Variants in C7 observed in about 807,000 individuals in gnomAD.
C7 encodes complement component C7.
Under a neutral mutation model 104.8 loss-of-function variants are expected in C7, and 83 were observed. The ratio of observed to expected loss-of-function variants is 0.79; its 90% CI spans 0.66 to 0.95. C7 has a LOEUF of 0.95. C7 is among the 40% of genes least tolerant of loss of function. C7 has a pLI of 0.00. For synonymous variants in C7, 415 were observed against 360.6 expected (o/e 1.15, Z -1.71); for missense variants, 1,070 against 1,011.2 (o/e 1.06, Z -0.79).
intron 7 of C7, among the ~76,000 whole-genome samples, 168 bp from the exon 8 acceptor site, chr5:40,947,434 G>A (rs753335891): frequency 5.9e-5 from 9 of 151,878 alleles, no homozygotes; most frequent in East Asian, 1.9e-4. Flanking sequence ...TCCTGATTGC[G>A]TCCAGTAAGT....
At chr5:40,945,458 C>G in intron 7 of C7, 90 bp downstream of exon 7, 2 of 841,666 alleles carry the variant, frequency 2.4e-6, no homozygotes, top group South Asian at 4.3e-5. Context: ...AAAGGATCAG[C>G]TTTCATATTA....
chr5:40,956,865 G>C (rs1200472320), intron 10 of C7, among the ~76,000 whole-genome samples: 1 of 152,162 alleles, frequency 6.6e-6, no homozygotes, highest in Admixed American at 6.5e-5. Context: ...TGTATTCATT[G>C]TCAGCATCCC....
chr5:40,913,743 G>T (rs1910015), intron 1 of C7, among the ~76,000 whole-genome samples: 38,919 of 152,050 alleles, frequency 0.26, 5,817 homozygotes, highest in African/African-American at 0.42. Context: ...GCAGTGGCAT[G>T]ATCTCGGCTC....
At position 40,931,242 on chromosome 5, in the gene C7, T is replaced by G. The variant is rs1739677496; in HGVS notation, c.138+103T>G. On this transcript the variant is annotated intron_variant, in intron 3 of 17. Coordinates refer to ENST00000313164, the MANE Select transcript of C7 (RefSeq NM_000587.4). ...GAATGTTCATTAAATAGTGTCAATA[T>G]TTTTTGAAAACTATGTTTGTAATTT... 3 of 812,690 alleles carry G rather than the reference T, an allele frequency of 3.7e-6. No homozygotes were observed. In the South Asian group the frequency reaches 4.7e-5, roughly 13 times the overall value. 50.3% of individuals were successfully genotyped at this position (812,690 alleles called of 1,614,324 possible).
chr5:40,947,622 T>C lies in C7; in HGVS notation c.759T>C (p.Val253=), dbSNP rs370651306. 137 of 1,612,634 alleles carry C rather than the reference T, an allele frequency of 8.5e-5. No homozygotes were observed. Among genetic ancestry groups the C allele is most frequent in the Non-Finnish European group, 1.1e-4 (128 of 1,179,062 alleles). Residue 253 remains valine, a synonymous_variant, in exon 8 of 18, where the codon GTT becomes GTC. Transcript: ENST00000313164. ...CACAGAGTTACCAACTGCTGGTTGT[T>C]GAGAACACTGTTGAAGTGGCTCAGT... The part of the protein sequence containing the change: ...HKGKSYQLLV[V]ENTVEVAQFI...
chr5:40,922,208 C>G (rs1739452927), intron 1 of C7, among the ~76,000 whole-genome samples: 1 of 150,638 alleles, frequency 6.6e-6, no homozygotes, highest in East Asian at 1.9e-4. Context: ...AAGCCCATCT[C>G]TACTAAAAAT....
chr5:40,973,020 A>T (rs932958161), intron 15 of C7, among the ~76,000 whole-genome samples: 1 of 152,164 alleles, frequency 6.6e-6, no homozygotes, highest in East Asian at 1.9e-4. Context: ...CAAAGAGTTT[A>T]TCAGTATTTC....
intron 13 of C7, 172 bp from the exon 14 acceptor site, chr5:40,964,569 T>G: frequency 1.8e-6 from 1 of 540,996 alleles, no homozygotes; most frequent in Non-Finnish European, 3.4e-6. Flanking sequence ...TTAATGGTGG[T>G]GCTAGTGTTA....
intron 9 of C7, among the ~76,000 whole-genome samples, chr5:40,950,239 C>G (rs1300824832): frequency 9.3e-6 from 1 of 107,152 alleles, no homozygotes; most frequent in Non-Finnish European, 2.3e-5. Flanking sequence ...GTGTGTGTTG[C>G]TCCTCTGTCT....
chr5:40,925,762 T>C (rs1014400644), intron 1 of C7, among the ~76,000 whole-genome samples: 1 of 152,190 alleles, frequency 6.6e-6, no homozygotes, highest in African/African-American at 2.4e-5. Flanking sequence ...ATTTTACTCA[T>C]GGCGGAAGGC....
intron 8 of C7, 104 bp downstream of exon 8, chr5:40,947,949 G>A (rs1740088360): frequency 8.4e-7 from 1 of 1,188,578 alleles, no homozygotes; most frequent in Non-Finnish European, 1.2e-6. Context: ...TTGACAAACA[G>A]AAATTTAAAT....
intron 1 of C7, among the ~76,000 whole-genome samples, chr5:40,920,315 G>A (rs533374471): frequency 3.3e-5 from 5 of 152,040 alleles, no homozygotes; most frequent in African/African-American, 1.2e-4. Context: ...AGGTATGGAA[G>A]TTTTCTACTG....
In C7 at chr5:40,979,942, A is replaced by G. The variant is rs1485347875; in HGVS notation, c.2350+33A>G. On this transcript the variant is annotated intron_variant, in intron 17 of 17. Coordinates refer to ENST00000313164, the MANE Select transcript of C7 (RefSeq NM_000587.4). ...GCCTTTCATATTTGTAAGTATAAGA[A>G]TGCTAAAGTCACAGTACTGAGGATT... The G allele has an allele frequency of 2.0e-6, 3 of 1,528,664 alleles. No homozygotes were observed. The South Asian group carries it at 3.8e-5, about 20-fold the overall frequency. The allele number at this position is 1,528,664 out of a possible 1,614,324, so 94.7% of individuals were successfully genotyped here. A position where few individuals can be genotyped will look rare whatever the true frequency, so the allele number is the denominator to read the frequency against.
intron 6 of C7, among the ~76,000 whole-genome samples, chr5:40,944,062 A>C (rs1183108780): frequency 6.6e-6 from 1 of 152,170 alleles, no homozygotes; most frequent in Admixed American, 6.5e-5. Context: ...TGACTGTGTA[A>C]TATTGTCATT....
intron 1 of C7, among the ~76,000 whole-genome samples, chr5:40,923,843 G>C (rs891265041): frequency 1.3e-5 from 2 of 152,002 alleles, no homozygotes; most frequent in African/African-American, 4.8e-5. Flanking sequence ...ACACTGAGGG[G>C]ATGGTGCTAA....
At chr5:40,968,471 C>T (rs1740605599) in intron 14 of C7, among the ~76,000 whole-genome samples, 1 of 149,200 alleles carries the variant, frequency 6.7e-6, no homozygotes, top group Non-Finnish European at 1.5e-5. Flanking sequence ...TTTATTAATT[C>T]TCTGTATATT....
At chr5:40,937,350 T>C (rs1739836996) in intron 5 of C7, 4 of 358,650 alleles carry the variant, frequency 1.1e-5, no homozygotes, top group Non-Finnish European at 2.0e-5. Flanking sequence ...TTAGTGATTA[T>C]ACCAAGCAGG....
At chr5:40,979,664 C>T (rs1193713612) in intron 16 of C7, 61 bp from the exon 17 acceptor site, 59 of 1,397,364 alleles carry the variant, frequency 4.2e-5, no homozygotes, top group Non-Finnish European at 5.6e-5. Context: ...CTTTTCATTT[C>T]TCCTTCTCAG....
chr5:40,964,020 CTTTTTTTTTTTTT>C lies in C7; in HGVS notation c.1750-702_1750-690del, dbSNP rs869250524. 4.5e-4 allele frequency among the ~76,000 whole-genome samples: 18 copies of C among 39,886 alleles called. 1 individual carries two copies. Among genetic ancestry groups the C allele is most frequent in the Admixed American group, 1.6e-3 (3 of 1,896 alleles). 26.2% of individuals were successfully genotyped at this position (39,886 alleles called of 152,430 possible). A position where few individuals can be genotyped will look rare whatever the true frequency, so the allele number is the denominator to read the frequency against. On this transcript the variant is annotated intron_variant, in intron 13 of 17. Transcript: ENST00000313164. Reference sequence around the variant, plus strand: ...TATTGTCAATGAACAGCTCATAATACTTTTTTTTTTTTTTTTTTTTTTTTTTTTTTTAGAGAGA... The same window carrying C: ...TATTGTCAATGAACAGCTCATAATACTTTTTTTTTTTTTTTTTTAGAGAGA...
Sources: allele counts gnomAD v4.1 joint callset (sites outside exome capture counted in the v4.1 genomes callset), GRCh38; gene constraint gnomAD v4.1.1; transcripts MANE v1.5; gene names NCBI Gene and HGNC (gene_info 2026-07-23, HGNC 2026-07-21).